The following WBP4 variants were observed in gnomAD, a reference collection of about 807,000 sequenced individuals.
WBP4 encodes WW domain-binding protein 4.
WBP4 carries 37 observed loss-of-function variants against 55.4 expected under a neutral mutation model. The ratio of observed to expected loss-of-function variants is 0.67; its 90% CI spans 0.51 to 0.88. WBP4 has a LOEUF of 0.88. Among genes scored for constraint, WBP4 ranks in the 40% least tolerant of loss-of-function variants. The pLI is 0.00. For missense variants in WBP4, 398 were observed against 420.8 expected (o/e 0.95, Z 0.47); for synonymous variants, 142 against 140.2 (o/e 1.01, Z -0.09).
At chr13:41,072,958 A>G in intron 7 of WBP4, 101 bp downstream of exon 7, 1 of 864,748 alleles carries the variant, frequency 1.2e-6, no homozygotes, top group Non-Finnish European at 1.8e-6. Context: ...TTAGTATACA[A>G]TAAACATATT....
Position 41,076,255 on chromosome 13 carries a change from A to C in WBP4, c.756+18A>C. On this transcript the variant is annotated intron_variant, in intron 8 of 9. Coordinates refer to ENST00000379487, the MANE Select transcript of WBP4 (RefSeq NM_007187.5). ...AGTTTAAGGTAGGTTTTTAAATTTT[A>C]CTCTTCACATCAAATTTTTTTTTTT... is the stretch of plus-strand genomic sequence containing the variant. 1 of 1,292,600 alleles carries C rather than the reference A, an allele frequency of 7.7e-7. No homozygotes were observed. Among genetic ancestry groups the C allele is most frequent in the Non-Finnish European group, 1.0e-6 (1 of 972,116 alleles). 80.1% of individuals were successfully genotyped at this position (1,292,600 alleles called of 1,614,324 possible).
intron 7 of WBP4, among the ~76,000 whole-genome samples, 193 bp from the exon 8 acceptor site, chr13:41,075,851 G>A (rs1330985149): frequency 6.6e-6 from 1 of 151,978 alleles, no homozygotes; most frequent in Admixed American, 6.6e-5. Context: ...AGTAAATCCG[G>A]GCTGTTTGAA....
intron 2 of WBP4, 49 bp from the exon 3 acceptor site, chr13:41,064,967 A>C: frequency 6.9e-7 from 1 of 1,447,540 alleles, no homozygotes; most frequent in Non-Finnish European, 9.3e-7. Context: ...TATGAATTTT[A>C]TGATGTTTAT....
intron 4 of WBP4, among the ~76,000 whole-genome samples, chr13:41,065,523 G>T (rs932303300): frequency 6.6e-6 from 1 of 151,990 alleles, no homozygotes; most frequent in Non-Finnish European, 1.5e-5. Context: ...CTACTTTTGT[G>T]GTCACCTAAT....
Position 41,080,799 on chromosome 13 carries a change from G to A in WBP4, c.910G>A (p.Val304Ile), listed in dbSNP as rs141984179. Reference sequence around the variant, plus strand: ...AGAATGGCAAGAAATTAAACAAGAGGTTGAGTCTCAGTAAGTACCTGGAGC... The same window carrying A: ...AGAATGGCAAGAAATTAAACAAGAGATTGAGTCTCAGTAAGTACCTGGAGC... ...YGEWQEIKQE[V>I]ESHEEVDLEL... The change falls in exon 9 of 10, where the codon GTT (valine) becomes ATT (isoleucine). Residue 304 changes from valine (V) to isoleucine (I), a missense_variant. By Grantham distance (29) the Val-to-Ile change is conservative. Coordinates refer to ENST00000379487, the MANE Select transcript of WBP4 (RefSeq NM_007187.5). 6 of 1,606,050 alleles carry A rather than the reference G, an allele frequency of 3.7e-6. No homozygotes were observed. Among genetic ancestry groups the A allele is most frequent in the African/African-American group, 2.7e-5 (2 of 74,276 alleles).
chr13:41,072,002 C>T lies in WBP4; in HGVS notation c.486+429C>T, dbSNP rs538996873. 6.1e-5 allele frequency among the ~76,000 whole-genome samples: 9 copies of T among 147,730 alleles called. No individual in the cohort carries two copies. In the Admixed American group the frequency reaches 6.1e-4, roughly 10 times the overall value. The stretch of plus-strand genomic sequence containing the variant: ...AGAGGTTAACAGTGAGCCGAGATTG[C>T]ACCACCGCACTCCAGCCTGGATAAC... On this transcript the variant is annotated intron_variant, in intron 6 of 9. Coordinates refer to ENST00000379487, the MANE Select transcript of WBP4 (RefSeq NM_007187.5).
intron 7 of WBP4, among the ~76,000 whole-genome samples, chr13:41,074,769 C>T (rs957654463): frequency 1.8e-4 from 28 of 152,034 alleles, no homozygotes; most frequent in East Asian, 1.5e-3. Flanking sequence ...TTGAGGCAGG[C>T]GGATCACTTG....
chr13:41,064,072 T>A (rs1877832224), intron 2 of WBP4, among the ~76,000 whole-genome samples: 1 of 152,074 alleles, frequency 6.6e-6, no homozygotes, highest in Admixed American at 6.6e-5. Flanking sequence ...TTATCATTTT[T>A]TTTTTTCATT....
chr13:41,078,916 G>A (rs1187320688), intron 8 of WBP4, among the ~76,000 whole-genome samples: 3 of 151,768 alleles, frequency 2.0e-5, no homozygotes, highest in African/African-American at 4.8e-5. Context: ...AAGAATTTAC[G>A]ACAAAGTCTT....
intron 2 of WBP4, among the ~76,000 whole-genome samples, chr13:41,063,379 A>G (rs575373238): frequency 1.3e-5 from 2 of 152,318 alleles, no homozygotes; most frequent in Non-Finnish European, 2.9e-5. Flanking sequence ...GCAAAGTTGG[A>G]TGCACAAAGA....
chr13:41,073,893 A>C (rs1593430502), intron 7 of WBP4, among the ~76,000 whole-genome samples: 2 of 152,302 alleles, frequency 1.3e-5, no homozygotes, highest in Middle Eastern at 3.4e-3. Flanking sequence ...CAGTTGCATA[A>C]ATACTTACGA....
chr13:41,063,655 C>A (rs1300267715), intron 2 of WBP4, among the ~76,000 whole-genome samples: 1 of 152,034 alleles, frequency 6.6e-6, no homozygotes, highest in Non-Finnish European at 1.5e-5. Flanking sequence ...AGTAAGTAAT[C>A]CCTTCCAGTG....
At position 41,061,683 on chromosome 13, in the gene WBP4, G is replaced by A. The variant is rs757537681; in HGVS notation, c.2+8G>A. 3.7e-5 allele frequency: 59 copies of A among 1,614,032 alleles called. No homozygotes were observed. The highest frequency in any genetic ancestry group is 4.4e-5 in the Non-Finnish European group (52 of 1,180,020). ...AGCGGCTGGCGCAGTCATGTGAGTT[G>A]GGTCTCAGGCCCTGAACAACGAGGT... On this transcript the variant is annotated splice_region_variant and intron_variant, in intron 1 of 9. Transcript: ENST00000379487.
chr13:41,077,851 TAATG>T (rs1260387274), intron 8 of WBP4, among the ~76,000 whole-genome samples: 5 of 152,002 alleles, frequency 3.3e-5, no homozygotes, highest in Non-Finnish European at 4.4e-5. Flanking sequence ...ATCTATATAA[TAATG>T]GTAAAACCGA....
In WBP4 at chr13:41,063,893, T is replaced by C. The variant is rs1410030640; in HGVS notation, c.76-1123T>C. 2.0e-5 allele frequency among the ~76,000 whole-genome samples: 3 copies of C among 152,178 alleles called. No individual in the cohort carries two copies. In the East Asian group the frequency reaches 5.8e-4, roughly 29 times the overall value. The stretch of plus-strand genomic sequence containing the variant: ...TTAAAATAGCTCAGTTAATGCATCA[T>C]GTAAGATTTGATTGACAGAACTTAT... On this transcript the variant is annotated intron_variant, in intron 2 of 9. Transcript: ENST00000379487.
intron 7 of WBP4, among the ~76,000 whole-genome samples, chr13:41,073,301 G>A (rs190584944): frequency 6.6e-6 from 1 of 152,152 alleles, no homozygotes; most frequent in Admixed American, 6.6e-5. Flanking sequence ...ATCACCTGAG[G>A]TCAGGAGTTA....
intron 5 of WBP4, among the ~76,000 whole-genome samples, chr13:41,070,210 G>A (rs1878177915): frequency 6.6e-6 from 1 of 152,092 alleles, no homozygotes; most frequent in Non-Finnish European, 1.5e-5. Context: ...TTACTTTTGA[G>A]CTGATCTCTA....
At chr13:41,062,245 G>A (rs943015402) in intron 1 of WBP4, 2 of 984,630 alleles carry the variant, frequency 2.0e-6, no homozygotes, top group African/African-American at 3.5e-5. Context: ...AGTCTTGTAC[G>A]TTGTTCTCTT....
Position 41,082,732 on chromosome 13 carries a change from A to C in WBP4, c.949A>C (p.Thr317Pro). The change falls in exon 10 of 10, where the codon ACT (threonine) becomes CCT (proline). Residue 317 changes from threonine (T) to proline (P), a missense_variant. Physicochemically the swap from Thr to Pro is conservative, Grantham distance 38. Transcript: ENST00000379487. ...HEEVDLELPS[T>P]ENEYVSTSEA... ...GGAGGTAGATTTGGAACTTCCAAGC[A>C]CTGAAAATGAGTATGTATCAACTTC... 1.2e-6 allele frequency: 2 copies of C among 1,614,110 alleles called. No individual in the cohort carries two copies. Among genetic ancestry groups the C allele is most frequent in the Non-Finnish European group, 1.7e-6 (2 of 1,180,014 alleles).
Sources: allele counts gnomAD v4.1 joint callset (sites outside exome capture counted in the v4.1 genomes callset), GRCh38; gene constraint gnomAD v4.1.1; transcripts MANE v1.5; gene names NCBI Gene and HGNC (gene_info 2026-07-23, HGNC 2026-07-21).